The following HUWE1 variants were observed in gnomAD, a reference collection of about 807,000 sequenced individuals.
HUWE1 encodes the protein HECT, UBA and WWE domain containing E3 ubiquitin protein ligase 1.
Under a neutral mutation model 299.4 loss-of-function variants are expected in HUWE1, and 18 were observed. The ratio of observed to expected loss-of-function variants is 0.06; its 90% CI spans 0.04 to 0.09. The LOEUF is 0.09. Ranked by LOEUF, HUWE1 falls within the 10% of genes least tolerant of loss-of-function variation. The pLI, the probability that HUWE1 is intolerant of heterozygous loss-of-function variation, is 1.00. For synonymous variants in HUWE1, 1,317 were observed against 1,286.1 expected (o/e 1.02, Z -0.51); for missense variants, 1,832 against 3,462.3 (o/e 0.53, Z 11.82).
At chrX:53,615,163 T>C (rs2065726629) in intron 22 of HUWE1, among the ~76,000 whole-genome samples, 1 of 110,611 alleles carries the variant, frequency 9.0e-6, no homozygotes, top group Admixed American at 9.7e-5. Flanking sequence ...CATGTCTGCT[T>C]GTCCATATAA....
rs982273135 is a variant in HUWE1, at chrX:53,590,331, A to G, written c.4191+73T>C. The G allele has an allele frequency of 1.9e-5, 13 of 680,262 alleles. No individual in the cohort carries two copies. The African/African-American group carries it at 2.8e-4, about 15-fold the overall frequency. 56.1% of individuals were successfully genotyped at this position (680,262 alleles called of 1,213,427 possible). On this transcript the variant is annotated intron_variant, in intron 35 of 83. Transcript: ENST00000262854. ...TTTGAATTCTATCAATTAGTTTGCA[A>G]TACTAGCAGAATGTTCACAGAATAC...
rs782321635 is a variant in HUWE1, at chrX:53,648,105, T to C, written c.144+107A>G. The C allele has an allele frequency of 3.6e-4, 200 of 559,231 alleles. No homozygotes were observed. The Middle Eastern group carries it at 4.2e-3, about 12-fold the overall frequency. 46.1% of individuals were successfully genotyped at this position (559,231 alleles called of 1,213,427 possible). On this transcript the variant is annotated intron_variant, in intron 5 of 83. Coordinates refer to ENST00000262854, the MANE Select transcript of HUWE1 (RefSeq NM_031407.7). The stretch of plus-strand genomic sequence containing the variant: ...ATGGCACATGCTAGATGCTTATTAA[T>C]TGCTGAATGAGGCTATCCCATTGTG...
chrX:53,553,820 TAAATAAAATA>T (rs782011528), intron 61 of HUWE1, among the ~76,000 whole-genome samples: 2 of 108,603 alleles, frequency 1.8e-5, no homozygotes, highest in Admixed American at 2.0e-4. Flanking sequence ...AAAAAATAAA[TAAATAAAATA>T]AAATAAAATA....
At chrX:53,625,099 G>A (rs1848351851) in intron 18 of HUWE1, 58 bp downstream of exon 18, 1 of 761,520 alleles carries the variant, frequency 1.3e-6, no homozygotes, top group Non-Finnish European at 2.1e-6. Flanking sequence ...AGTATGAAAA[G>A]AACCAATCTT....
At chrX:53,623,798 A>C (rs1249024177) in intron 19 of HUWE1, among the ~76,000 whole-genome samples, 1 of 112,137 alleles carries the variant, frequency 8.9e-6, no homozygotes, top group Non-Finnish European at 1.9e-5. Context: ...AAAAATCCTA[A>C]ATTTCTTCAG....
intron 49 of HUWE1, 88 bp from the exon 50 acceptor site, chrX:53,565,327 A>C: frequency 1.2e-6 from 1 of 844,966 alleles, no homozygotes. Flanking sequence ...TTACAATGGA[A>C]TCTACTAAGA....
intron 3 of HUWE1, among the ~76,000 whole-genome samples, chrX:53,665,383 G>A (rs1988192900): frequency 8.9e-6 from 1 of 112,490 alleles, no homozygotes; most frequent in Non-Finnish European, 1.9e-5. Context: ...CTCAGATTAA[G>A]AGTTTATGCT....
In HUWE1 at chrX:53,534,847, A is replaced by AC. The variant is rs1261084423; in HGVS notation, c.12650-151dup. On this transcript the variant is annotated intron_variant, in intron 81 of 83. Transcript: ENST00000262854. ...GTTAATTCTGCCCAGGCTAGTCTCA[A>AC]CCCCCTGGGCTCAAGCTATCCTCCT... 5 of 486,885 alleles carry AC rather than the reference A, an allele frequency of 1.0e-5. No individual in the cohort carries two copies. In the African/African-American group the frequency reaches 1.2e-4, roughly 12 times the overall value. 40.1% of individuals were successfully genotyped at this position (486,885 alleles called of 1,213,427 possible).
chrX:53,580,861 C>G lies in HUWE1; in HGVS notation c.5686G>C (p.Ala1896Pro). Residue 1896 changes from alanine to proline, a missense_variant, in exon 43 of 84, where the codon GCC becomes CCC. By Grantham distance (27) the Ala-to-Pro change is conservative. This residue lies in a region of HUWE1 where 47 missense variants were observed against 45.8 expected (regional missense o/e 1.03). Transcript: ENST00000262854. ...CCTGAGCCTCGAGGGGCAGGAAGGGCGATGCGGATACAGCAGTTGGCCACT... is the reference window on the plus strand; with the variant it reads ...CCTGAGCCTCGAGGGGCAGGAAGGGGGATGCGGATACAGCAGTTGGCCACT... ...TEVANCCIRI[A>P]LPAPRGSGTA... 1.7e-6 allele frequency: 2 copies of G among 1,211,092 alleles called. No individual in the cohort carries two copies. The highest frequency in any genetic ancestry group is 2.2e-6 in the Non-Finnish European group (2 of 895,290).
intron 42 of HUWE1, among the ~76,000 whole-genome samples, chrX:53,582,169 T>C (rs782073204): frequency 8.0e-5 from 9 of 112,763 alleles, no homozygotes; most frequent in African/African-American, 1.3e-4. Flanking sequence ...GTTAAAACTT[T>C]AAAAGTTTTC....
intron 47 of HUWE1, among the ~76,000 whole-genome samples, chrX:53,570,540 T>C (rs1343411932): frequency 8.9e-6 from 1 of 112,138 alleles, no homozygotes; most frequent in Non-Finnish European, 1.9e-5. Context: ...CAATAGAAGC[T>C]GGTAAGAGCT....
At position 53,640,595 on chromosome X, in the gene HUWE1, C is replaced by T. The variant is rs1054184196; in HGVS notation, c.504+4716G>A. ...AAAGGCTGCAATGTACTGCACCTGTCAAGATTCCAAATTCTCCAGGACTAG... is the reference window on the plus strand; with the variant it reads ...AAAGGCTGCAATGTACTGCACCTGTTAAGATTCCAAATTCTCCAGGACTAG... On this transcript the variant is annotated intron_variant, in intron 7 of 83. Transcript: ENST00000262854. Among the ~76,000 whole-genome samples the T allele has an allele frequency of 3.6e-5, 4 of 111,747 alleles. No homozygotes were observed. In the East Asian group the frequency reaches 1.1e-3, roughly 31 times the overall value.
intron 19 of HUWE1, among the ~76,000 whole-genome samples, chrX:53,622,366 C>G (rs1006317936): frequency 3.6e-5 from 4 of 111,855 alleles, no homozygotes; most frequent in African/African-American, 1.3e-4. Flanking sequence ...CCCATACAAG[C>G]TGACCTATGT....
chrX:53,644,593 A>T (rs1346939385), intron 7 of HUWE1, among the ~76,000 whole-genome samples: 2 of 112,485 alleles, frequency 1.8e-5, no homozygotes, highest in Non-Finnish European at 3.8e-5. Context: ...TAGAATTTTC[A>T]GAATACATGT....
chrX:53,539,034 C>A lies in HUWE1; in HGVS notation c.11679G>T (p.Glu3893Asp). The part of the protein sequence containing the change: ...VEAFFLVHAT[E>D]RESKPPVRDT... ...CTCGGACAGGAGGCTTGCTCTCCCG[C>A]TCTGTGGCATGGACCAGAAAGAAGG... is the stretch of plus-strand genomic sequence containing the variant. The change falls in exon 76 of 84, where the codon GAG becomes GAT. Residue 3893 changes from glutamate (E) to aspartate (D), a missense_variant. This residue lies in a region of HUWE1 where 129 missense variants were observed against 439.4 expected (regional missense o/e 0.29). Transcript: ENST00000262854. 8.3e-7 allele frequency: 1 copy of A among 1,209,443 alleles called. No individual in the cohort carries two copies.
intron 3 of HUWE1, among the ~76,000 whole-genome samples, chrX:53,675,424 A>C (rs1244228507): frequency 8.9e-6 from 1 of 111,850 alleles, no homozygotes; most frequent in Non-Finnish European, 1.9e-5. Flanking sequence ...CAGAATTAGG[A>C]AAGCTGTGAG....
intron 7 of HUWE1, among the ~76,000 whole-genome samples, 160 bp from the exon 8 acceptor site, chrX:53,634,458 T>C (rs1293194665): frequency 8.9e-6 from 1 of 112,049 alleles, no homozygotes; most frequent in Non-Finnish European, 1.9e-5. Flanking sequence ...TGGAACATAA[T>C]GTTGAGAAGA....
At chrX:53,633,546 G>C (rs1557024364) in intron 8 of HUWE1, among the ~76,000 whole-genome samples, 1 of 112,232 alleles carries the variant, frequency 8.9e-6, no homozygotes, top group Non-Finnish European at 1.9e-5. Context: ...GACCAGAAAA[G>C]AGCCATTCTC....
rs143073138 is a variant in HUWE1 at position 53,545,097 on chromosome X, G to C, written c.10980C>G (p.Thr3660=). ...CCTCAGGCAGGCCATCAGGAGAGAG[G>C]GTTTCACATTGGGCTCGCCGCTGCT... The part of the protein sequence containing the change: ...LEQQRRAQCE[T]LSPDGLPEEQ... The change falls in exon 71 of 84, where the codon ACC becomes ACG. Residue 3660 remains threonine (T), a synonymous_variant. Transcript: ENST00000262854. 3.3e-6 allele frequency: 4 copies of C among 1,210,009 alleles called. No individual in the cohort carries two copies. The highest frequency in any genetic ancestry group is 3.0e-5 in the East Asian group (1 of 33,780).
Sources: gnomAD v4.1 joint callset for allele counts (sites outside exome capture counted in the v4.1 genomes callset) on GRCh38, gnomAD v4.1.1 for gene constraint, gnomAD v4.1.1 regional missense constraint, MANE v1.5 for transcripts, NCBI Gene and HGNC (gene_info 2026-07-23, HGNC 2026-07-21) for gene names.